Variants in JAKMIP3 observed in about 807,000 individuals in gnomAD.
The protein encoded by JAKMIP3 is janus kinase and microtubule-interacting protein 3.
Under a neutral mutation model 118.5 loss-of-function variants are expected in JAKMIP3, and 58 were observed. That is an observed-to-expected ratio of 0.49 (90% CI 0.40 to 0.61). The LOEUF is 0.61. Among genes scored for constraint, JAKMIP3 ranks in the 20% least tolerant of loss-of-function variants. The pLI is 0.00. For missense variants in JAKMIP3, 950 were observed against 1,109.0 expected (o/e 0.86, Z 2.04); for synonymous variants, 486 against 451.2 (o/e 1.08, Z -0.98).
intron 3 of JAKMIP3, among the ~76,000 whole-genome samples, chr10:132,132,857 C>T (rs991631995): frequency 7.2e-6 from 1 of 139,754 alleles, no homozygotes; most frequent in Non-Finnish European, 1.5e-5. Context: ...CCATGGTCTC[C>T]CCTGCCTGTT....
In JAKMIP3 at chr10:132,118,969, C is replaced by T. The variant is rs894806165; in HGVS notation, c.633+1395C>T. Among the ~76,000 whole-genome samples the T allele has an allele frequency of 1.9e-4, 29 of 152,164 alleles. No homozygotes were observed. The highest frequency in any genetic ancestry group is 6.3e-4 in the African/African-American group (26 of 41,432). On this transcript the variant is annotated intron_variant, in intron 3 of 23. Coordinates refer to ENST00000684848, the MANE Select transcript of JAKMIP3 (RefSeq NM_001323087.2). The surrounding 1 kb of genome is among the most constrained non-coding windows in gnomAD (Gnocchi z 4.8). ...CCCTTTCATTTGTCTTGGTTGGATT[C>T]GATGCTCTCAGTAGAGGAAGGCAGC... is the stretch of plus-strand genomic sequence containing the variant.
intron 1 of JAKMIP3, among the ~76,000 whole-genome samples, chr10:132,055,715 A>G (rs2038219690): frequency 6.6e-6 from 1 of 152,166 alleles, no homozygotes; most frequent in Non-Finnish European, 1.5e-5. Flanking sequence ...GAACTTGGTC[A>G]ACAGGAGACT....
rs118054797 is a variant in JAKMIP3, at chr10:132,125,968, G to A, written c.634-7344G>A. 7.2e-3 allele frequency among the ~76,000 whole-genome samples: 1,094 copies of A among 152,264 alleles called. 5 individuals carry two copies. The highest frequency in any genetic ancestry group is 0.012 in the Non-Finnish European group (821 of 68,028). The stretch of plus-strand genomic sequence containing the variant: ...TTTTGAGAGATAAGTTCTCATGATC[G>A]TATCTCACTGCAGCCGTAAACTCAT... On this transcript the variant is annotated intron_variant, in intron 3 of 23. Transcript: ENST00000684848.
intron 1 of JAKMIP3, among the ~76,000 whole-genome samples, chr10:132,055,107 C>T (rs1164623403): frequency 9.9e-5 from 15 of 152,152 alleles, no homozygotes; most frequent in Non-Finnish European, 2.1e-4. Context: ...TGGTTTTGTT[C>T]TTTTTCTCTC....
At position 132,179,890 on chromosome 10, in the gene JAKMIP3, T is replaced by C. The variant is rs2060560235; in HGVS notation, c.*1104-2467T>C. 6.6e-6 allele frequency among the ~76,000 whole-genome samples: 1 copy of C among 152,004 alleles called. No individual in the cohort carries two copies. The highest frequency in any genetic ancestry group is 1.5e-5 in the Non-Finnish European group (1 of 67,994). ...AGGCCTGTGAGCAGACTTCCTGTGC[T>C]CTCTCCCCTCCCATGCTCTTCCCCC... On this transcript the variant is annotated intron_variant, in intron 23 of 23. Transcript: ENST00000684848. This position sits in a 1 kb window ranked among gnomAD's most constrained non-coding sequence, Gnocchi z 4.3.
In JAKMIP3 at chr10:132,180,696, CGTGTGTGTGT is replaced by C. The variant is rs766228449; in HGVS notation, c.*1104-1659_*1104-1650del. On this transcript the variant is annotated intron_variant, in intron 23 of 23. Coordinates refer to ENST00000684848, the MANE Select transcript of JAKMIP3 (RefSeq NM_001323087.2). ...GTGTGCGCGCGCGTGTGTGTGCGTG[CGTGTGTGTGT>C]GCGCGTGTGTGTGCGTGTGTGTGCG... Among the ~76,000 whole-genome samples the C allele has an allele frequency of 2.7e-4, 3 of 10,944 alleles. 1 individual carries two copies. Among genetic ancestry groups the C allele is most frequent in the African/African-American group, 1.4e-3 (3 of 2,080 alleles). The allele number at this position is 10,944 out of a possible 152,430, so 7.2% of individuals were successfully genotyped here. A position where few individuals can be genotyped will look rare whatever the true frequency, so the allele number is the denominator to read the frequency against.
intron 1 of JAKMIP3, among the ~76,000 whole-genome samples, chr10:132,080,266 TTTC>T (rs1397692857): frequency 2.6e-5 from 4 of 152,152 alleles, no homozygotes; most frequent in Non-Finnish European, 5.9e-5. Context: ...AGGCTTCCAA[TTTC>T]TGTACACCCT....
chr10:132,093,543 C>T (rs992239688), intron 1 of JAKMIP3, among the ~76,000 whole-genome samples: 24 of 152,188 alleles, frequency 1.6e-4, no homozygotes, highest in African/African-American at 2.2e-4. Context: ...GAGCCAGGCA[C>T]GGGATATAAT....
At chr10:132,165,326 T>C (rs2818427) in intron 21 of JAKMIP3, among the ~76,000 whole-genome samples, 125,303 of 152,084 alleles carry the variant, frequency 0.82, 51,753 homozygotes, top group East Asian at 0.96. Context: ...CAGCAGAGTC[T>C]CTCCCGGGGT....
In JAKMIP3 at chr10:132,134,621, G is replaced by A. The variant is rs61864409; in HGVS notation, c.850-420G>A. On this transcript the variant is annotated intron_variant, in intron 4 of 23. Transcript: ENST00000684848. ...AATGCCGCCCCGTGGGGCAGGGGGC[G>A]CGCACCCTCCTGAAGGGGCAGCGGC... is the stretch of plus-strand genomic sequence containing the variant. Among the ~76,000 whole-genome samples, 799 of 152,248 alleles carry A rather than the reference G, an allele frequency of 5.2e-3. 7 individuals are homozygous for A. Among genetic ancestry groups the A allele is most frequent in the South Asian group, 0.023 (113 of 4,824 alleles).
At chr10:132,124,898 G>A (rs188794118) in intron 3 of JAKMIP3, among the ~76,000 whole-genome samples, 495 of 152,314 alleles carry the variant, frequency 3.2e-3, no homozygotes, top group South Asian at 8.5e-3. Context: ...TTAGGACAGC[G>A]GCAAGAAAGA....
chr10:132,172,335 C>CT (rs1490261745), intron 23 of JAKMIP3, among the ~76,000 whole-genome samples: 2 of 152,042 alleles, frequency 1.3e-5, no homozygotes, highest in Admixed American at 6.5e-5. Context: ...GATCACTTGC[C>CT]TAAGGGGGTG....
At chr10:132,159,641 G>T (rs1051452759) in intron 19 of JAKMIP3, among the ~76,000 whole-genome samples, 1 of 70,908 alleles carries the variant, frequency 1.4e-5, no homozygotes, top group South Asian at 4.7e-4. Context: ...TTGTGATGCT[G>T]GGGGGCCTCT....
intron 3 of JAKMIP3, among the ~76,000 whole-genome samples, chr10:132,127,595 A>C (rs920314409): frequency 1.3e-5 from 2 of 151,932 alleles, no homozygotes; most frequent in Non-Finnish European, 2.9e-5. Context: ...TTATCCATTC[A>C]CTGTCTCCTG....
chr10:132,056,934 G>A (rs1030202651), intron 1 of JAKMIP3, among the ~76,000 whole-genome samples: 29 of 152,228 alleles, frequency 1.9e-4, no homozygotes, highest in Admixed American at 4.6e-4. Context: ...TCCAGCTCCC[G>A]CCCTGGGTTC....
chr10:132,115,316 T>A (rs972758009), intron 2 of JAKMIP3, among the ~76,000 whole-genome samples: 4 of 151,674 alleles, frequency 2.6e-5, no homozygotes, highest in Non-Finnish European at 4.4e-5. Flanking sequence ...ATGGTTGGGG[T>A]CATGCCAGTG....
intron 1 of JAKMIP3, among the ~76,000 whole-genome samples, chr10:132,091,966 G>C (rs1042325912): frequency 2.6e-5 from 4 of 152,274 alleles, no homozygotes; most frequent in Admixed American, 2.6e-4. Context: ...GGGCAGGCCT[G>C]GTGGTGACAA....
At position 132,112,339 on chromosome 10, in the gene JAKMIP3, G is replaced by A. The variant is rs538806856; in HGVS notation, c.136-4738G>A. Reference sequence around the variant, plus strand: ...CCCAGAGAACAGTGCGAGGGGAGACGGGGCTGGGACCTGCCCTGGGCACTC... The same window carrying A: ...CCCAGAGAACAGTGCGAGGGGAGACAGGGCTGGGACCTGCCCTGGGCACTC... On this transcript the variant is annotated intron_variant, in intron 2 of 23. Coordinates refer to ENST00000684848, the MANE Select transcript of JAKMIP3 (RefSeq NM_001323087.2). This position sits in a 1 kb window ranked among gnomAD's most constrained non-coding sequence, Gnocchi z 4.3. Among the ~76,000 whole-genome samples the A allele has an allele frequency of 7.9e-5, 12 of 152,248 alleles. No homozygotes were observed. The highest frequency in any genetic ancestry group is 6.2e-4 in the South Asian group (3 of 4,830).
At position 132,137,002 on chromosome 10, in the gene JAKMIP3, G is replaced by A. The variant is rs1325077878; in HGVS notation, c.1117-17G>A. On this transcript the variant is annotated splice_polypyrimidine_tract_variant and intron_variant, in intron 6 of 23. Coordinates refer to ENST00000684848, the MANE Select transcript of JAKMIP3 (RefSeq NM_001323087.2). ...CTTCACTCCCCAACTTGTGATGTGG[G>A]CTGCTTGGCGTTTCAGAGACAGAGA... 1 of 1,610,940 alleles carries A rather than the reference G, an allele frequency of 6.2e-7. No individual in the cohort carries two copies. The highest frequency in any genetic ancestry group is 8.5e-7 in the Non-Finnish European group (1 of 1,178,368).
Sources: allele counts gnomAD v4.1 joint callset (sites outside exome capture counted in the v4.1 genomes callset), GRCh38; gene constraint gnomAD v4.1.1; non-coding constraint Gnocchi (gnomAD v3.1); transcripts MANE v1.5; gene names NCBI Gene and HGNC (gene_info 2026-07-23, HGNC 2026-07-21).